The following BMERB1 variants were observed in gnomAD, a reference collection of about 807,000 sequenced individuals.
BMERB1 encodes bMERB domain-containing protein 1.
A neutral mutation model predicts 23.6 loss-of-function variants in BMERB1; 12 were observed. That is an observed-to-expected ratio of 0.51 (90% CI 0.33 to 0.82). The LOEUF is 0.82. BMERB1 is among the 40% of genes least tolerant of loss of function. The pLI, the probability that BMERB1 is intolerant of heterozygous loss-of-function variation, is 0.03. For missense variants in BMERB1, 247 were observed against 255.4 expected (o/e 0.97, Z 0.22); for synonymous variants, 122 against 96.6 (o/e 1.26, Z -1.54).
chr16:15,580,578 C>T lies in BMERB1; in HGVS notation c.305-639C>T, dbSNP rs1484007496. On this transcript the variant is annotated intron_variant, in intron 3 of 5. Transcript: ENST00000300006. ...TTTTTTTTTTTTTGAGACAGAGTCT[C>T]GCTCTATCACCCAGGCTAGAGTGCA... Among the ~76,000 whole-genome samples, 16 of 145,252 alleles carry T rather than the reference C, an allele frequency of 1.1e-4. 1 individual carries two copies. In the South Asian group the frequency reaches 1.7e-3, roughly 16 times the overall value.
chr16:15,533,135 C>T (rs750212176), intron 2 of BMERB1: 15 of 358,412 alleles, frequency 4.2e-5, no homozygotes, highest in South Asian at 6.2e-5. Flanking sequence ...CCTGCTACCA[C>T]GTAAGTGCTC....
chr16:15,517,221 CAG>C (rs1291429984), intron 2 of BMERB1, among the ~76,000 whole-genome samples: 1 of 152,168 alleles, frequency 6.6e-6, no homozygotes, highest in Non-Finnish European at 1.5e-5. Context: ...AAAAGGAAGA[CAG>C]AGAGGCCAGG....
intron 3 of BMERB1, among the ~76,000 whole-genome samples, chr16:15,568,716 T>G (rs1217932809): frequency 2.0e-5 from 3 of 152,234 alleles, no homozygotes; most frequent in Non-Finnish European, 2.9e-5. Context: ...AGCTTGATAT[T>G]TGGCCTCAAG....
chr16:15,498,960 A>T (rs2051501145), intron 1 of BMERB1, among the ~76,000 whole-genome samples: 1 of 152,238 alleles, frequency 6.6e-6, no homozygotes, highest in Non-Finnish European at 1.5e-5. Context: ...CAGCAGTGAG[A>T]TGAAGCTCTT....
At chr16:15,498,273 A>G (rs1419982424) in intron 1 of BMERB1, among the ~76,000 whole-genome samples, 1 of 152,036 alleles carries the variant, frequency 6.6e-6, no homozygotes, top group African/African-American at 2.4e-5. Context: ...GCAGTGGCTC[A>G]TGCTTGTAAT....
At chr16:15,452,330 G>GA (rs2051049740) in intron 1 of BMERB1, among the ~76,000 whole-genome samples, 10 of 93,734 alleles carry the variant, frequency 1.1e-4, no homozygotes, top group East Asian at 4.0e-4. Context: ...GAGGGAGGGA[G>GA]GGAGAGAGAG....
chr16:15,542,199 G>A (rs2052092405), intron 2 of BMERB1, among the ~76,000 whole-genome samples: 1 of 151,824 alleles, frequency 6.6e-6, no homozygotes, highest in Non-Finnish European at 1.5e-5. Flanking sequence ...AAGTAGCTTG[G>A]ACTACAGGCA....
chr16:15,510,495 G>C (rs2051650553), intron 1 of BMERB1, among the ~76,000 whole-genome samples: 2 of 152,120 alleles, frequency 1.3e-5, no homozygotes. Context: ...TATTAAACGT[G>C]ACGTGCCGGG....
chr16:15,576,991 T>A (rs1488906846), intron 3 of BMERB1: 1 of 152,154 alleles, frequency 6.6e-6, no homozygotes, highest in African/African-American at 2.4e-5. Flanking sequence ...GGTGTCTGAT[T>A]TACATAGGGC....
chr16:15,435,522 G>A (rs1037298377), intron 1 of BMERB1, among the ~76,000 whole-genome samples: 1 of 152,160 alleles, frequency 6.6e-6, no homozygotes, highest in Non-Finnish European at 1.5e-5. Context: ...GGCAGCGTCA[G>A]GGGCTCCAGG....
chr16:15,583,601 C>T (rs2031070635), intron 5 of BMERB1, among the ~76,000 whole-genome samples: 1 of 142,320 alleles, frequency 7.0e-6, no homozygotes, highest in East Asian at 2.0e-4. Context: ...AAAAAAAAGG[C>T]CATTTCAGAG....
At chr16:15,514,404 G>A (rs527939977) in intron 1 of BMERB1, among the ~76,000 whole-genome samples, 4 of 152,180 alleles carry the variant, frequency 2.6e-5, no homozygotes, top group Non-Finnish European at 5.9e-5. Flanking sequence ...TGGTCAGGGG[G>A]AGCAGAGGCT....
intron 1 of BMERB1, among the ~76,000 whole-genome samples, chr16:15,456,973 G>A (rs1471136322): frequency 2.6e-5 from 4 of 151,874 alleles, no homozygotes; most frequent in Admixed American, 6.6e-5. Context: ...TTACAGGCAC[G>A]CGCCACTATG....
At chr16:15,541,475 T>C (rs1022771227) in intron 2 of BMERB1, among the ~76,000 whole-genome samples, 2 of 144,570 alleles carry the variant, frequency 1.4e-5, no homozygotes, top group African/African-American at 5.2e-5. Context: ...TCACCCAGGC[T>C]GGAGTGCAGT....
intron 2 of BMERB1, among the ~76,000 whole-genome samples, chr16:15,534,286 CAAAAAAAAAA>C (rs1168488547): frequency 3.8e-4 from 16 of 41,972 alleles, no homozygotes; most frequent in Admixed American, 1.5e-3. Flanking sequence ...TTTTTAATTG[CAAAAAAAAAA>C]AAAAAAAAAA....
chr16:15,490,635 G>A (rs2051411787), intron 1 of BMERB1, among the ~76,000 whole-genome samples: 2 of 152,106 alleles, frequency 1.3e-5, no homozygotes, highest in African/African-American at 2.4e-5. Context: ...TCCTGGGTGC[G>A]TGTGCCCAGA....
chr16:15,462,098 G>GT (rs1479286142), intron 1 of BMERB1, among the ~76,000 whole-genome samples: 2 of 80,410 alleles, frequency 2.5e-5, no homozygotes, highest in East Asian at 5.4e-4. Context: ...CACAAAAATT[G>GT]TTTTTTCTGT....
chr16:15,491,426 T>C (rs1320406459), intron 1 of BMERB1, among the ~76,000 whole-genome samples: 8 of 150,710 alleles, frequency 5.3e-5, no homozygotes, highest in African/African-American at 2.0e-4. Flanking sequence ...AGATCTTGGC[T>C]CACTGCCTCA....
intron 1 of BMERB1, among the ~76,000 whole-genome samples, chr16:15,478,857 A>C (rs977364855): frequency 6.6e-6 from 1 of 152,194 alleles, no homozygotes; most frequent in East Asian, 1.9e-4. Context: ...CCTGATCCCA[A>C]GTATGTCTTT....
Sources: gnomAD v4.1 joint callset for allele counts (sites outside exome capture counted in the v4.1 genomes callset) on GRCh38, gnomAD v4.1.1 for gene constraint, MANE v1.5 for transcripts, NCBI Gene and HGNC (gene_info 2026-07-23, HGNC 2026-07-21) for gene names.